PDE12: variants seen among roughly 807,000 people sequenced by gnomAD.
PDE12 encodes the protein phosphodiesterase 12.
In PDE12, 26 loss-of-function variants were observed where a neutral mutation model predicts 45.4. The observed-to-expected ratio is 0.57, with a 90% CI of 0.42 to 0.79. The LOEUF (loss-of-function observed/expected upper bound fraction) is 0.79. Among genes scored for constraint, PDE12 ranks in the 30% least tolerant of loss-of-function variants. The probability of loss-of-function intolerance (pLI) is 0.00; values close to 1 mark genes in which losing one functional copy is unlikely to be tolerated. For synonymous variants in PDE12, 283 were observed against 323.9 expected, an observed-to-expected ratio of 0.87 and a Z score of 1.36; for missense variants, 668 against 790.0, an observed-to-expected ratio of 0.85 and a Z score of 1.85.
the PDE12 span, among the ~76,000 whole-genome samples, chr3:57,608,307 T>G: frequency 6.6e-6 from 1 of 152,200 alleles, no homozygotes; most frequent in African/African-American, 2.4e-5. Flanking sequence ...AGACCATTGA[T>G]GCTAGGAAGA....
rs1017693572 is a variant in PDE12, at chr3:57,556,576, A to G, written c.197A>G (p.Asp66Gly). The part of the protein sequence containing the change: ...ADGSHKNMQR[D>G]QSEPLGRVLS... ...GGTAGCCACAAGAACATGCAGCGCG[A>G]CCAGAGCGAGCCGCTGGGTCGAGTC... The change falls in exon 1 of 3, where the codon GAC (aspartate) becomes GGC (glycine). Residue 66 changes from aspartate to glycine, a missense_variant. By Grantham distance (94) the Asp-to-Gly change is moderately conservative. This residue lies in a region of PDE12 where 580 missense variants were observed against 662.9 expected (regional missense o/e 0.87). Transcript: ENST00000311180. The surrounding 1 kb of genome is among the most constrained non-coding windows in gnomAD (Gnocchi z 5.0). The G allele has an allele frequency of 6.2e-7, 1 of 1,613,268 alleles. No individual in the cohort carries two copies. The highest frequency in any genetic ancestry group is 1.7e-5 in the Admixed American group (1 of 60,032).
At chr3:57,630,882 A>C in the PDE12 span, 1 of 1,610,698 alleles carries the variant, frequency 6.2e-7, no homozygotes, top group Non-Finnish European at 8.5e-7. Flanking sequence ...CACAGAAGTT[A>C]ATTACAGTTA....
the PDE12 span, among the ~76,000 whole-genome samples, chr3:57,613,093 G>A: frequency 6.6e-6 from 1 of 151,564 alleles, no homozygotes; most frequent in Admixed American, 6.6e-5. Flanking sequence ...CGATTTTCCT[G>A]CCTCAGCCTC....
Position 57,556,311 on chromosome 3 carries a change from C to T in PDE12, c.-69C>T. ...TGAGTCAAAGCCGGCGGCCTCGGCTCCTCAGCTCCACCTGACAGTAGGCCG... is the reference window on the plus strand; with the variant it reads ...TGAGTCAAAGCCGGCGGCCTCGGCTTCTCAGCTCCACCTGACAGTAGGCCG... On this transcript the variant is annotated 5_prime_UTR_variant, in exon 1 of 3. Coordinates refer to ENST00000311180, the MANE Select transcript of PDE12 (RefSeq NM_177966.7). This position sits in a 1 kb window ranked among gnomAD's most constrained non-coding sequence, Gnocchi z 5.0. 1.4e-6 allele frequency: 2 copies of T among 1,457,142 alleles called. No homozygotes were observed. The highest frequency in any genetic ancestry group is 9.1e-7 in the Non-Finnish European group (1 of 1,098,812). 90.3% of individuals were successfully genotyped at this position (1,457,142 alleles called of 1,614,324 possible).
chr3:57,635,797 G>C, the PDE12 span, among the ~76,000 whole-genome samples: 22 of 152,234 alleles, frequency 1.4e-4, no homozygotes, highest in African/African-American at 4.8e-4. Context: ...ACATTGAACA[G>C]CATGGGTTTA....
At chr3:57,630,765 T>C in the PDE12 span, 4 of 1,614,106 alleles carry the variant, frequency 2.5e-6, no homozygotes, top group Non-Finnish European at 3.4e-6. Context: ...GCTGAGGTCC[T>C]GTTTTCTCAA....
the PDE12 span, chr3:57,577,383 A>G: frequency 6.2e-7 from 1 of 1,607,996 alleles, no homozygotes; most frequent in African/African-American, 1.3e-5. Context: ...CACAAAAATA[A>G]GACCCTGGGG....
the PDE12 span, chr3:57,646,405 C>T: frequency 6.2e-7 from 1 of 1,613,944 alleles, no homozygotes; most frequent in Non-Finnish European, 8.5e-7. Context: ...GCTCCCAGAG[C>T]ATCTGACTAT....
chr3:57,572,147 A>G, the PDE12 span: 1 of 1,284,984 alleles, frequency 7.8e-7, no homozygotes, highest in Non-Finnish European at 1.1e-6. Context: ...ATACAAACTA[A>G]TTTTGTTGTA....
At chr3:57,620,960 A>G in the PDE12 span, among the ~76,000 whole-genome samples, 2 of 152,318 alleles carry the variant, frequency 1.3e-5, no homozygotes, top group African/African-American at 4.8e-5. Context: ...TTTGTGTAGA[A>G]ATTCGTAAGC....
chr3:57,589,241 C>G, the PDE12 span, among the ~76,000 whole-genome samples: 2 of 152,096 alleles, frequency 1.3e-5, no homozygotes, highest in East Asian at 3.9e-4. Flanking sequence ...GTGCTTCAGC[C>G]TGGGCAACAG....
At chr3:57,596,983 G>T in the PDE12 span, 1 of 1,386,110 alleles carries the variant, frequency 7.2e-7, no homozygotes, top group Non-Finnish European at 1.0e-6. Context: ...CCACCACAGC[G>T]GGCGGAGGAA....
chr3:57,576,071 TCTATC>T, the PDE12 span, among the ~76,000 whole-genome samples: 1 of 152,136 alleles, frequency 6.6e-6, no homozygotes, highest in Non-Finnish European at 1.5e-5. Flanking sequence ...TTTTCGGACT[TCTATC>T]CTTTCCAACA....
the PDE12 span, among the ~76,000 whole-genome samples, chr3:57,602,411 T>C: frequency 1.3e-5 from 2 of 152,212 alleles, no homozygotes; most frequent in Non-Finnish European, 2.9e-5. Flanking sequence ...TCTGTGCTTC[T>C]ACAGAGAGTC....
At chr3:57,644,103 T>A in the PDE12 span, among the ~76,000 whole-genome samples, 2 of 144,724 alleles carry the variant, frequency 1.4e-5, no homozygotes, top group Middle Eastern at 3.5e-3. Context: ...TAAACCAAGA[T>A]GGCGCCATTG....
At chr3:57,581,040 T>C in the PDE12 span, among the ~76,000 whole-genome samples, 2 of 152,224 alleles carry the variant, frequency 1.3e-5, no homozygotes, top group Non-Finnish European at 1.5e-5. Flanking sequence ...GAAGAAAAGC[T>C]AGGATTCTAC....
intron 1 of PDE12, among the ~76,000 whole-genome samples, chr3:57,558,955 C>T (rs992416558): frequency 2.0e-5 from 3 of 151,654 alleles, no homozygotes; most frequent in Non-Finnish European, 2.9e-5. Flanking sequence ...GGCCTGGTGG[C>T]TTATGCCTGT....
the PDE12 span, among the ~76,000 whole-genome samples, chr3:57,601,530 C>G: frequency 1.3e-5 from 2 of 152,084 alleles, no homozygotes; most frequent in Admixed American, 1.3e-4. Context: ...GGTTTCAAAC[C>G]CACAGATTCA....
In PDE12 at chr3:57,561,723, A is replaced by G. The variant is rs1239545090; in HGVS notation, c.*1719A>G. ...TGAAAGCCCTTGTTTCAAATTCTTT[A>G]ATCTCTGAACCTAGTATCATAAGAA... On this transcript the variant is annotated 3_prime_UTR_variant, in exon 3 of 3. Transcript: ENST00000311180. The G allele has an allele frequency of 1.0e-6, 1 of 984,918 alleles. No homozygotes were observed. The allele number at this position is 984,918 out of a possible 1,614,324, so 61.0% of individuals were successfully genotyped here.
Sources: allele counts gnomAD v4.1 joint callset (sites outside exome capture counted in the v4.1 genomes callset), GRCh38; gene constraint gnomAD v4.1.1; regional missense constraint gnomAD v4.1.1; non-coding constraint Gnocchi (gnomAD v3.1); transcripts MANE v1.5; gene names NCBI Gene and HGNC (gene_info 2026-07-23, HGNC 2026-07-21).